OPA1: variants seen among roughly 807,000 people sequenced by gnomAD.
The protein encoded by OPA1 is OPA1 mitochondrial dynamin like GTPase.
A neutral mutation model predicts 152.9 loss-of-function variants in OPA1; 59 were observed. That is an observed-to-expected ratio of 0.39 (90% CI 0.31 to 0.48). OPA1 has a LOEUF of 0.48. OPA1 is among the 20% of genes least tolerant of loss of function. The probability of loss-of-function intolerance (pLI) is 0.96; values close to 1 mark genes in which losing one functional copy is unlikely to be tolerated. For missense variants in OPA1, 1,008 were observed against 1,216.8 expected (o/e 0.83, Z 2.55); for synonymous variants, 400 against 389.9 (o/e 1.03, Z -0.31).
At chr3:193,657,636 C>T (rs1714175477) in intron 23 of OPA1, among the ~76,000 whole-genome samples, 1 of 152,160 alleles carries the variant, frequency 6.6e-6, no homozygotes, top group African/African-American at 2.4e-5. Context: ...ACACCAGCTA[C>T]CATGTATTGA....
chr3:193,643,254 T>A (rs2109042279), intron 13 of OPA1, 119 bp from the exon 14 acceptor site: 2 of 891,686 alleles, frequency 2.2e-6, no homozygotes, highest in East Asian at 2.5e-5. Flanking sequence ...ACCATTTTTG[T>A]GAGCGTCTTA....
rs530323460 is a variant in OPA1, at chr3:193,607,624, A to G, written c.33-7099A>G. 9.9e-5 allele frequency among the ~76,000 whole-genome samples: 15 copies of G among 152,192 alleles called. No homozygotes were observed. The South Asian group carries it at 2.7e-3, about 27-fold the overall frequency. ...GCTCTGTTCTGTTCCATTGGCCTATATCTCTGTTTTGGTACCAGTACCATG... is the reference window on the plus strand; with the variant it reads ...GCTCTGTTCTGTTCCATTGGCCTATGTCTCTGTTTTGGTACCAGTACCATG... On this transcript the variant is annotated intron_variant, in intron 1 of 30. Transcript: ENST00000361510.
intron 28 of OPA1, among the ~76,000 whole-genome samples, chr3:193,666,679 C>T (rs1424617023): frequency 1.3e-5 from 2 of 151,968 alleles, no homozygotes; most frequent in Non-Finnish European, 2.9e-5. Flanking sequence ...GTTCTAGCTA[C>T]TTGGGAGGCT....
chr3:193,639,732 G>A (rs914122311), intron 11 of OPA1, among the ~76,000 whole-genome samples: 1 of 152,234 alleles, frequency 6.6e-6, no homozygotes, highest in African/African-American at 2.4e-5. Flanking sequence ...CTTTTAAAAG[G>A]CTGCTCTTTT....
chr3:193,645,941 T>C (rs1383095029), intron 18 of OPA1, 141 bp downstream of exon 18: 7 of 717,914 alleles, frequency 9.8e-6, no homozygotes, highest in Non-Finnish European at 1.4e-5. Flanking sequence ...GTGAACTGTA[T>C]CTAATAAACA....
chr3:193,675,338 A>AT (rs201806510), intron 29 of OPA1, among the ~76,000 whole-genome samples: 174 of 134,994 alleles, frequency 1.3e-3, no homozygotes, highest in African/African-American at 4.5e-3. Context: ...AAAAAAAAAA[A>AT]AAAAAAAAAA....
At chr3:193,639,666 C>T (rs751352198) in intron 11 of OPA1, among the ~76,000 whole-genome samples, 8 of 152,172 alleles carry the variant, frequency 5.3e-5, no homozygotes, top group Non-Finnish European at 1.0e-4. Flanking sequence ...TACAGACTTC[C>T]GTTTTAAGTA....
intron 20 of OPA1, 62 bp downstream of exon 20, chr3:193,648,196 A>C: frequency 7.7e-7 from 1 of 1,295,570 alleles, no homozygotes; most frequent in Non-Finnish European, 1.1e-6. Context: ...TGCTAACTAA[A>C]TTTATGTTGA....
chr3:193,609,066 C>G (rs1727752921), intron 1 of OPA1, among the ~76,000 whole-genome samples: 1 of 152,116 alleles, frequency 6.6e-6, no homozygotes, highest in Admixed American at 6.5e-5. Flanking sequence ...GTAGATCTTC[C>G]TCCATCCCTT....
At chr3:193,666,448 C>G (rs1716558159) in intron 28 of OPA1, 59 bp downstream of exon 28, 5 of 1,337,258 alleles carry the variant, frequency 3.7e-6, no homozygotes, top group Non-Finnish European at 5.4e-6. Context: ...GTGGTAATAT[C>G]CATATTTAAT....
chr3:193,612,268 CTTTTTTTTTTTTT>C (rs34283831), intron 1 of OPA1, among the ~76,000 whole-genome samples: 1 of 116,364 alleles, frequency 8.6e-6, no homozygotes, highest in Non-Finnish European at 1.7e-5. Context: ...GTCTAACTTC[CTTTTTTTTTTTTT>C]TTTTTTTTTA....
At chr3:193,679,447 T>G (rs1169255339) in intron 29 of OPA1, among the ~76,000 whole-genome samples, 1 of 152,156 alleles carries the variant, frequency 6.6e-6, no homozygotes, top group Non-Finnish European at 1.5e-5. Flanking sequence ...ACAAAACTTC[T>G]GCTTGTCCAT....
At chr3:193,666,553 C>G (rs768416888) in intron 28 of OPA1, among the ~76,000 whole-genome samples, 164 bp downstream of exon 28, 1 of 152,036 alleles carries the variant, frequency 6.6e-6, no homozygotes. Context: ...GTTGAGAGGC[C>G]GAGGCAGGAA....
intron 23 of OPA1, among the ~76,000 whole-genome samples, chr3:193,658,246 CAAAAAAAA>C (rs10544016): frequency 9.0e-4 from 87 of 96,574 alleles, no homozygotes; most frequent in African/African-American, 2.9e-3. Context: ...ACTCCGTTTT[CAAAAAAAA>C]AAAAAAAAAA....
In OPA1 at chr3:193,662,956, A is replaced by G; in HGVS notation, c.2655A>G (p.Pro885=). The change falls in exon 26 of 31, where the codon CCA becomes CCG. Residue 885 remains proline, a synonymous_variant. Coordinates refer to ENST00000361510, the MANE Select transcript of OPA1 (RefSeq NM_130837.3). ...NLESRGVEVD[P]SLIKDTWHQV... ...AATCCCGAGGAGTAGAAGTAGATCC[A>G]AGCTTGGTAATAAATACTGCTGAGA... 1 of 1,613,572 alleles carries G rather than the reference A, an allele frequency of 6.2e-7. No individual in the cohort carries two copies. The highest frequency in any genetic ancestry group is 1.1e-5 in the South Asian group (1 of 91,066).
intron 25 of OPA1, among the ~76,000 whole-genome samples, chr3:193,661,330 C>T (rs79520980): frequency 0.035 from 5,276 of 152,174 alleles, 345 homozygotes; most frequent in African/African-American, 0.12. Flanking sequence ...CTGAATCACC[C>T]GGGGAGGTGT....
intron 11 of OPA1, among the ~76,000 whole-genome samples, chr3:193,638,482 G>C (rs1330395743): frequency 6.6e-6 from 1 of 152,200 alleles, no homozygotes; most frequent in Admixed American, 6.5e-5. Flanking sequence ...TAGAAAAAAA[G>C]TGCAGCTCAA....
intron 11 of OPA1, among the ~76,000 whole-genome samples, chr3:193,639,024 A>G (rs986493368): frequency 1.3e-5 from 2 of 152,210 alleles, no homozygotes; most frequent in African/African-American, 4.8e-5. Flanking sequence ...ATGATGCAAG[A>G]GAGAGGGAAA....
chr3:193,614,731 G>C lies in OPA1; in HGVS notation c.41G>C (p.Cys14Ser), dbSNP rs767733553. The C allele has an allele frequency of 6.2e-7, 1 of 1,612,318 alleles. No homozygotes were observed. The highest frequency in any genetic ancestry group is 8.5e-7 in the Non-Finnish European group (1 of 1,178,442). The change falls in exon 2 of 31, where the codon TGC becomes TCC. Residue 14 changes from cysteine to serine, a missense_variant. Physicochemically the swap from Cys to Ser is moderately radical, Grantham distance 112. Coordinates refer to ENST00000361510, the MANE Select transcript of OPA1 (RefSeq NM_130837.3). ...ATTCATTTTTCTTTCAGTGAGGTCT[G>C]CCAGTCTTTAGTGAAACACAGCTCT... ...LRRAAVACEV[C>S]QSLVKHSSGI...
Sources: allele counts gnomAD v4.1 joint callset (sites outside exome capture counted in the v4.1 genomes callset), GRCh38; gene constraint gnomAD v4.1.1; transcripts MANE v1.5; gene names NCBI Gene and HGNC (gene_info 2026-07-23, HGNC 2026-07-21).